Variants in FLT3 observed in about 807,000 individuals in gnomAD.
FLT3 encodes receptor-type tyrosine-protein kinase FLT3.
FLT3 carries 46 observed loss-of-function variants against 126.6 expected under a neutral mutation model. The observed-to-expected ratio is 0.36, with a 90% CI of 0.29 to 0.46. The LOEUF (loss-of-function observed/expected upper bound fraction) is 0.46, where lower values mean the gene tolerates loss of function less well. FLT3 is among the 20% of genes least tolerant of loss of function. FLT3 has a pLI of 1.00. For synonymous variants in FLT3, 404 were observed against 434.4 expected (o/e 0.93, Z 0.87); for missense variants, 1,069 against 1,190.3 (o/e 0.90, Z 1.50).
chr13:28,023,312 CT>C (rs5802459), intron 19 of FLT3, 37 bp downstream of exon 19: 30 of 1,058,058 alleles, frequency 2.8e-5, no homozygotes, highest in Admixed American at 7.7e-5. Context: ...CTTTTCAAAT[CT>C]TTTTTTTGGT....
chr13:28,029,904 A>T (rs2491218), intron 15 of FLT3, among the ~76,000 whole-genome samples: 1 of 152,082 alleles, frequency 6.6e-6, no homozygotes, highest in Non-Finnish European at 1.5e-5. Flanking sequence ...GAGGAAAGTC[A>T]CTATGGAATC....
chr13:28,020,656 T>C (rs901571362), intron 19 of FLT3, among the ~76,000 whole-genome samples: 4 of 152,130 alleles, frequency 2.6e-5, no homozygotes, highest in African/African-American at 9.7e-5. Flanking sequence ...CTCAGTGTCA[T>C]CTTCGACTTG....
rs1871646990 is a variant in FLT3, at chr13:28,014,364, TA to T, written c.2859+87del. ...AACTGCAATGAGAATGACAACTTGG[TA>T]CCTTTGGTTCACAGGAAGACAGCAA... On this transcript the variant is annotated intron_variant, in intron 23 of 23. Transcript: ENST00000241453. 1.5e-5 allele frequency: 14 copies of T among 933,042 alleles called. No individual in the cohort carries two copies. The Admixed American group carries it at 2.7e-4, about 18-fold the overall frequency. The allele number at this position is 933,042 out of a possible 1,614,324, so 57.8% of individuals were successfully genotyped here.
intron 17 of FLT3, chr13:28,025,314 G>A: frequency 2.4e-6 from 1 of 420,626 alleles, no homozygotes; most frequent in Non-Finnish European, 4.6e-6. Flanking sequence ...TCTGAACTCA[G>A]CCCACTTTCC....
At chr13:28,096,397 T>C (rs1879451519) in intron 1 of FLT3, among the ~76,000 whole-genome samples, 1 of 151,802 alleles carries the variant, frequency 6.6e-6, no homozygotes, top group Admixed American at 6.6e-5. Context: ...AAAACTGGGA[T>C]CCCTTTTCTG....
intron 3 of FLT3, 112 bp from the exon 4 acceptor site, chr13:28,057,574 G>A (rs1396766655): frequency 1.1e-5 from 7 of 654,404 alleles, no homozygotes; most frequent in Admixed American, 6.9e-5. Flanking sequence ...CGACTGGCAC[G>A]GAAGCCGCTC....
At chr13:28,024,343 G>A (rs1245526450) in intron 18 of FLT3, among the ~76,000 whole-genome samples, 1 of 152,120 alleles carries the variant, frequency 6.6e-6, no homozygotes, top group Non-Finnish European at 1.5e-5. Context: ...TGTTGGGCCA[G>A]GCTGGTCTTG....
At chr13:28,093,425 C>T (rs1457164450) in intron 1 of FLT3, among the ~76,000 whole-genome samples, 3 of 152,194 alleles carry the variant, frequency 2.0e-5, no homozygotes, top group Admixed American at 2.0e-4. Context: ...ATCCCTTACA[C>T]ATTACATGTT....
chr13:28,090,220 T>A (rs1878947020), intron 1 of FLT3, among the ~76,000 whole-genome samples: 1 of 151,282 alleles, frequency 6.6e-6, no homozygotes, highest in Admixed American at 6.6e-5. Flanking sequence ...GTATTTTTAG[T>A]AGAGACAGGG....
intron 2 of FLT3, among the ~76,000 whole-genome samples, chr13:28,065,172 C>A (rs916702212): frequency 1.3e-5 from 2 of 152,078 alleles, no homozygotes; most frequent in Non-Finnish European, 1.5e-5. Flanking sequence ...ACAATAAATA[C>A]TGGAATAATA....
In FLT3 at chr13:28,057,490, T is replaced by A. The variant is rs761574342; in HGVS notation, c.369-28A>T. The A allele has an allele frequency of 5.7e-6, 6 of 1,060,434 alleles. No homozygotes were observed. The Admixed American group carries it at 1.0e-4, about 19-fold the overall frequency. The allele number at this position is 1,060,434 out of a possible 1,614,324, so 65.7% of individuals were successfully genotyped here. On this transcript the variant is annotated intron_variant, in intron 3 of 23. Transcript: ENST00000241453. ...GCAAAACAGGAAAGAGAACTAGTTA[T>A]TTTGGAAAATGTGTGAAACTAAAAA...
intron 23 of FLT3, among the ~76,000 whole-genome samples, chr13:28,006,165 A>C (rs1169981745): frequency 6.6e-6 from 1 of 152,180 alleles, no homozygotes; most frequent in Non-Finnish European, 1.5e-5. Flanking sequence ...TGATTTAGGA[A>C]TCATGCATTC....
intron 20 of FLT3, among the ~76,000 whole-genome samples, chr13:28,015,910 A>G (rs1052668223): frequency 1.3e-5 from 2 of 151,954 alleles, no homozygotes; most frequent in African/African-American, 4.8e-5. Context: ...TTTCTTTACA[A>G]CTCCTCTCGA....
At chr13:28,046,891 C>T (rs1009046431) in intron 9 of FLT3, among the ~76,000 whole-genome samples, 5 of 152,010 alleles carry the variant, frequency 3.3e-5, no homozygotes, top group African/African-American at 7.2e-5. Context: ...CCACCGAGCC[C>T]GGCCAATATA....
intron 1 of FLT3, among the ~76,000 whole-genome samples, chr13:28,077,001 GA>G (rs1877976629): frequency 7.1e-6 from 1 of 141,028 alleles, no homozygotes; most frequent in Non-Finnish European, 1.5e-5. Flanking sequence ...GAGACAGACA[GA>G]AAGGAAGGAA....
intron 17 of FLT3, among the ~76,000 whole-genome samples, chr13:28,025,721 C>A (rs1872736380): frequency 6.6e-6 from 1 of 152,154 alleles, no homozygotes; most frequent in Admixed American, 6.5e-5. Flanking sequence ...CCCTCTGTTC[C>A]AGAATATGAG....
At chr13:28,082,765 G>A (rs1297960385) in intron 1 of FLT3, among the ~76,000 whole-genome samples, 2 of 151,962 alleles carry the variant, frequency 1.3e-5, no homozygotes, top group South Asian at 2.1e-4. Context: ...GTGCAGTGGC[G>A]CGATCTCAGC....
At chr13:28,050,498 G>C (rs572196031) in intron 5 of FLT3, among the ~76,000 whole-genome samples, 1 of 151,992 alleles carries the variant, frequency 6.6e-6, no homozygotes, top group Non-Finnish European at 1.5e-5. Context: ...TGTTGCTGTT[G>C]TTTAAAGACA....
At position 28,100,308 on chromosome 13, in the gene FLT3, G is replaced by T. The variant is rs978237687; in HGVS notation, c.43+160C>A. On this transcript the variant is annotated intron_variant, in intron 1 of 23. Coordinates refer to ENST00000241453, the MANE Select transcript of FLT3 (RefSeq NM_004119.3). The surrounding 1 kb of genome is among the most constrained non-coding windows in gnomAD (Gnocchi z 4.8). ...CCGCAGGCAAGTAGTGGGCGAGTCC[G>T]GAGGGCGCGAAAGAGGGGAGGGGCG... Among the ~76,000 whole-genome samples, 1 of 152,112 alleles carries T rather than the reference G, an allele frequency of 6.6e-6. No homozygotes were observed. The highest frequency in any genetic ancestry group is 1.5e-5 in the Non-Finnish European group (1 of 68,010).
Sources: allele counts gnomAD v4.1 joint callset (sites outside exome capture counted in the v4.1 genomes callset), GRCh38; gene constraint gnomAD v4.1.1; non-coding constraint Gnocchi (gnomAD v3.1); transcripts MANE v1.5; gene names NCBI Gene and HGNC (gene_info 2026-07-23, HGNC 2026-07-21).